UNC93A: variants seen among roughly 807,000 people sequenced by gnomAD.
UNC93A encodes N-acetylglucosamine transporter UNC93A.
UNC93A carries 43 observed loss-of-function variants against 47.5 expected under a neutral mutation model. The observed-to-expected ratio is 0.91, with a 90% CI of 0.71 to 1.17. The LOEUF is 1.17. Ranked by LOEUF, UNC93A falls within the 50% of genes most tolerant of loss-of-function variation. UNC93A has a pLI of 0.00. For synonymous variants in UNC93A, 280 were observed against 258.0 expected (o/e 1.09, Z -0.82); for missense variants, 605 against 577.6 (o/e 1.05, Z -0.49).
chr6:167,310,069 C>G (rs1416191046), intron 7 of UNC93A, among the ~76,000 whole-genome samples: 1 of 152,172 alleles, frequency 6.6e-6, no homozygotes, highest in South Asian at 2.1e-4. Context: ...TGGCATGTCA[C>G]CTCGCTGCAG....
intron 1 of UNC93A, among the ~76,000 whole-genome samples, chr6:167,281,584 G>A (rs1423978141): frequency 1.3e-5 from 2 of 152,148 alleles, no homozygotes; most frequent in South Asian, 2.1e-4. Flanking sequence ...TCCACAAAAC[G>A]CCCATAAATT....
chr6:167,310,039 A>C (rs140215205), intron 7 of UNC93A, among the ~76,000 whole-genome samples: 1 of 152,302 alleles, frequency 6.6e-6, no homozygotes, highest in East Asian at 1.9e-4. Context: ...TGTTCTTGGC[A>C]GTGCAGAATT....
upstream of UNC93A, among the ~76,000 whole-genome samples, chr6:167,287,551 A>G (rs935824766): frequency 6.6e-6 from 1 of 152,184 alleles, no homozygotes; most frequent in African/African-American, 2.4e-5. Context: ...ACCCCAGTAC[A>G]TTAGGAAGGA....
At chr6:167,305,325 C>T (rs1047377819) in intron 5 of UNC93A, among the ~76,000 whole-genome samples, 8 of 152,156 alleles carry the variant, frequency 5.3e-5, no homozygotes, top group Non-Finnish European at 1.2e-4. Context: ...GTCTACTTGG[C>T]GTTTTGGGGA....
intron 1 of UNC93A, among the ~76,000 whole-genome samples, chr6:167,284,894 G>A (rs911516403): frequency 3.9e-4 from 59 of 151,858 alleles, no homozygotes; most frequent in Middle Eastern, 3.4e-3. Flanking sequence ...TGGGAACGCC[G>A]GACACAGCGC....
At chr6:167,303,047 C>T (rs1277455529) in intron 4 of UNC93A, among the ~76,000 whole-genome samples, 2 of 152,126 alleles carry the variant, frequency 1.3e-5, no homozygotes, top group Non-Finnish European at 2.9e-5. Flanking sequence ...ATCCGTGGTA[C>T]ATGTAGAGTC....
At chr6:167,283,066 A>G (rs987239043) in intron 1 of UNC93A, among the ~76,000 whole-genome samples, 1 of 152,190 alleles carries the variant, frequency 6.6e-6, no homozygotes, top group African/African-American at 2.4e-5. Flanking sequence ...CCATTCAGAC[A>G]TTTAAAAAAT....
At chr6:167,313,715 G>A (rs2294235) in intron 7 of UNC93A, among the ~76,000 whole-genome samples, 42,760 of 151,892 alleles carry the variant, frequency 0.28, 6,097 homozygotes, top group South Asian at 0.36. Flanking sequence ...GGGTGTAGCC[G>A]GGAGCTTTTA....
At chr6:167,302,934 A>T (rs1032278038) in intron 4 of UNC93A, among the ~76,000 whole-genome samples, 1 of 151,802 alleles carries the variant, frequency 6.6e-6, no homozygotes, top group African/African-American at 2.4e-5. Context: ...CGTCCTGCTC[A>T]CCCCGCCCAG....
chr6:167,306,403 C>T (rs1000214713), intron 6 of UNC93A, among the ~76,000 whole-genome samples: 6 of 152,258 alleles, frequency 3.9e-5, no homozygotes, highest in South Asian at 2.1e-4. Context: ...ATGGGGTTCA[C>T]GGAAAGACAC....
intron 7 of UNC93A, among the ~76,000 whole-genome samples, chr6:167,310,709 C>T (rs1346236236): frequency 6.6e-6 from 1 of 152,146 alleles, no homozygotes; most frequent in African/African-American, 2.4e-5. Context: ...GGTAAAACCT[C>T]ATCTCTACTA....
At chr6:167,307,712 C>G in intron 6 of UNC93A, 67 bp from the exon 7 acceptor site, 2 of 1,537,658 alleles carry the variant, frequency 1.3e-6, no homozygotes, top group Non-Finnish European at 1.7e-6. Context: ...CACTGACCCA[C>G]CTCCAGGCCC....
chr6:167,310,735 G>A (rs904252673), intron 7 of UNC93A, among the ~76,000 whole-genome samples: 2 of 152,074 alleles, frequency 1.3e-5, no homozygotes, highest in Admixed American at 6.5e-5. Flanking sequence ...ACAAAAATTA[G>A]CCAGGCGTGA....
chr6:167,292,623 G>A (rs1048240621), intron 1 of UNC93A, among the ~76,000 whole-genome samples: 3 of 152,198 alleles, frequency 2.0e-5, no homozygotes, highest in Admixed American at 6.5e-5. Flanking sequence ...AAAGTCAAGT[G>A]GAAGGGAACA....
Position 167,307,824 on chromosome 6 carries a change from G to T in UNC93A, c.1022G>T (p.Arg341Ile), listed in dbSNP as rs1347181930. 1 of 1,614,098 alleles carries T rather than the reference G, an allele frequency of 6.2e-7. No homozygotes were observed. The highest frequency in any genetic ancestry group is 8.5e-7 in the Non-Finnish European group (1 of 1,179,980). ...VSCMIALLLW[R>I]PRADHLAVFF... is the part of the protein sequence containing the mutation. ...TGCATGATTGCCCTACTGCTGTGGA[G>T]ACCTCGTGCTGACCATCTGGCAGTG... The change falls in exon 7 of 8, where the codon AGA (arginine) becomes ATA (isoleucine). Residue 341 changes from arginine to isoleucine, a missense_variant. By Grantham distance (97) the Arg-to-Ile change is moderately conservative. Transcript: ENST00000230256.
Position 167,304,095 on chromosome 6 carries a change from G to A in UNC93A, c.802G>A (p.Gly268Arg), listed in dbSNP as rs752824596. The A allele has an allele frequency of 8.1e-6, 13 of 1,614,072 alleles. No homozygotes were observed. The Admixed American group carries it at 8.3e-5, about 10-fold the overall frequency. ...CLLILLPLYS[G>R]LQQGFLSSEY... ...CTTAATTCTGCTGCCGCTGTACAGT[G>A]GATTGCAGCAAGGATTCCTCTCCAG... Residue 268 changes from glycine to arginine, a missense_variant, in exon 5 of 8, where the codon GGA becomes AGA. By Grantham distance (125) the Gly-to-Arg change is moderately radical. Coordinates refer to ENST00000230256, the MANE Select transcript of UNC93A (RefSeq NM_018974.4).
In UNC93A at chr6:167,312,938, C is replaced by T. The variant is rs771967771; in HGVS notation, c.1109-2249C>T. Among the ~76,000 whole-genome samples the T allele has an allele frequency of 5.3e-5, 8 of 152,232 alleles. No homozygotes were observed. The South Asian group carries it at 6.2e-4, about 12-fold the overall frequency. ...CTAGACTGGGCTGATGTCATCCACA[C>T]GTGTGGCTTCCCCTTTCCCGAGTGG... On this transcript the variant is annotated intron_variant, in intron 7 of 7. Coordinates refer to ENST00000230256, the MANE Select transcript of UNC93A (RefSeq NM_018974.4).
upstream of UNC93A, among the ~76,000 whole-genome samples, chr6:167,290,664 A>C (rs1783824085): frequency 6.6e-6 from 1 of 152,198 alleles, no homozygotes; most frequent in Non-Finnish European, 1.5e-5. Flanking sequence ...TATCAGTTGC[A>C]CTTGCCACAT....
At chr6:167,276,925 C>G (rs146809097) in intron 1 of UNC93A, among the ~76,000 whole-genome samples, 1 of 152,222 alleles carries the variant, frequency 6.6e-6, no homozygotes, top group Non-Finnish European at 1.5e-5. Flanking sequence ...CTGCAGCCCA[C>G]GCTGGCTGTC....
Sources: allele counts gnomAD v4.1 joint callset (sites outside exome capture counted in the v4.1 genomes callset), GRCh38; gene constraint gnomAD v4.1.1; transcripts MANE v1.5; gene names NCBI Gene and HGNC (gene_info 2026-07-23, HGNC 2026-07-21).